Variants in TMIGD1 observed in about 807,000 individuals in gnomAD.
The protein encoded by TMIGD1 is transmembrane and immunoglobulin domain containing 1.
In TMIGD1, 29 loss-of-function variants were observed where a neutral mutation model predicts 27.5. The observed-to-expected ratio is 1.05, with a 90% CI of 0.78 to 1.44. The LOEUF (loss-of-function observed/expected upper bound fraction) is 1.44. TMIGD1 is among the 40% of genes most tolerant of loss of function. TMIGD1 has a pLI of 0.00. For missense variants in TMIGD1, 334 were observed against 310.6 expected, an observed-to-expected ratio of 1.08 and a Z score of -0.57; for synonymous variants, 109 against 110.3, an observed-to-expected ratio of 0.99 and a Z score of 0.07.
intron 5 of TMIGD1, among the ~76,000 whole-genome samples, chr17:30,318,248 G>C (rs911225628): frequency 2.0e-5 from 3 of 152,126 alleles, no homozygotes; most frequent in African/African-American, 7.2e-5. Context: ...ACTCAGCCTA[G>C]GGCTTTCTGC....
intron 3 of TMIGD1, 85 bp downstream of exon 3, chr17:30,329,166 C>T: frequency 2.0e-6 from 3 of 1,521,746 alleles, no homozygotes; most frequent in Non-Finnish European, 1.8e-6. Context: ...GGCAATTTGG[C>T]AATACCAAGA....
intron 3 of TMIGD1, among the ~76,000 whole-genome samples, chr17:30,327,953 G>A (rs1437152339): frequency 6.6e-6 from 1 of 151,722 alleles, no homozygotes; most frequent in Non-Finnish European, 1.5e-5. Context: ...CTACCAATGG[G>A]TTACCAATAC....
At chr17:30,328,775 G>A (rs755350322) in intron 3 of TMIGD1, among the ~76,000 whole-genome samples, 1 of 151,996 alleles carries the variant, frequency 6.6e-6, no homozygotes, top group Non-Finnish European at 1.5e-5. Flanking sequence ...GGCCAACATG[G>A]TGAACCCCCC....
At chr17:30,319,831 G>GGTA (rs1377981236) in intron 4 of TMIGD1, among the ~76,000 whole-genome samples, 1 of 151,970 alleles carries the variant, frequency 6.6e-6, no homozygotes, top group East Asian at 1.9e-4. Context: ...CATTATAGAA[G>GGTA]GTAGGTGGCT....
At chr17:30,321,909 G>A (rs1241327258) in intron 4 of TMIGD1, among the ~76,000 whole-genome samples, 1 of 152,052 alleles carries the variant, frequency 6.6e-6, no homozygotes, top group African/African-American at 2.4e-5. Context: ...GCTCACTGCA[G>A]CGTCGACCTC....
intron 3 of TMIGD1, 24 bp from the exon 4 acceptor site, chr17:30,325,118 T>G: frequency 6.3e-7 from 1 of 1,591,276 alleles, no homozygotes; most frequent in Non-Finnish European, 8.6e-7. Context: ...GCATTTAGAT[T>G]TAATTAGCAG....
At chr17:30,317,006 C>T in intron 6 of TMIGD1, 187 bp downstream of exon 6, 1 of 691,344 alleles carries the variant, frequency 1.4e-6, no homozygotes, top group Non-Finnish European at 2.5e-6. Context: ...AAGGTGTTCT[C>T]TATTCTAGGC....
Position 30,331,987 on chromosome 17 carries a change from G to A in TMIGD1, c.82+65C>T, listed in dbSNP as rs1177077650. ...TTTAAGGATATATCCAATGCCCATT[G>A]ATCACTTTTCTTAATCGGAAATTTT... On this transcript the variant is annotated intron_variant, in intron 2 of 6. Coordinates refer to ENST00000328886, the MANE Select transcript of TMIGD1 (RefSeq NM_206832.3). 5 of 1,094,210 alleles carry A rather than the reference G, an allele frequency of 4.6e-6. No homozygotes were observed. The East Asian group carries it at 1.2e-4, about 26-fold the overall frequency. 67.8% of individuals were successfully genotyped at this position (1,094,210 alleles called of 1,614,324 possible).
Position 30,316,527 on chromosome 17 carries a change from C to G in TMIGD1, c.*160G>C. 8 of 656,614 alleles carry G rather than the reference C, an allele frequency of 1.2e-5. No individual in the cohort carries two copies. The highest frequency in any genetic ancestry group is 1.5e-5 in the Non-Finnish European group (6 of 389,418). 40.7% of individuals were successfully genotyped at this position (656,614 alleles called of 1,614,324 possible). ...TAGCTCTTTCCATAAAAATGTTCCA[C>G]AAGTGTATCAAATTAGTCCTAACAA... On this transcript the variant is annotated 3_prime_UTR_variant, in exon 7 of 7. Coordinates refer to ENST00000328886, the MANE Select transcript of TMIGD1 (RefSeq NM_206832.3).
intron 1 of TMIGD1, among the ~76,000 whole-genome samples, chr17:30,332,629 G>A (rs143638128): frequency 0.013 from 1,931 of 152,236 alleles, 26 homozygotes; most frequent in Non-Finnish European, 0.021. Flanking sequence ...ACGTAGAAAA[G>A]CCTCAATTGA....
intron 2 of TMIGD1, among the ~76,000 whole-genome samples, chr17:30,331,282 A>G (rs189147134): frequency 6.6e-6 from 1 of 151,874 alleles, no homozygotes; most frequent in Non-Finnish European, 1.5e-5. Flanking sequence ...AGTGGTTGTC[A>G]TCTCTGGATG....
chr17:30,326,434 A>G (rs1159886652), intron 3 of TMIGD1, among the ~76,000 whole-genome samples: 2 of 152,090 alleles, frequency 1.3e-5, no homozygotes, highest in Non-Finnish European at 2.9e-5. Context: ...TTTTTCTTAA[A>G]TAGTTTTCTA....
At chr17:30,324,063 A>G (rs1161987265) in intron 4 of TMIGD1, among the ~76,000 whole-genome samples, 1 of 152,234 alleles carries the variant, frequency 6.6e-6, no homozygotes, top group African/African-American at 2.4e-5. Context: ...AAGACTGGCA[A>G]TAAGTGAGTA....
intron 2 of TMIGD1, among the ~76,000 whole-genome samples, chr17:30,329,957 C>T (rs1279165439): frequency 6.6e-6 from 1 of 150,852 alleles, no homozygotes; most frequent in Non-Finnish European, 1.5e-5. Context: ...TGGTGGTGTG[C>T]ACCCATACTT....
chr17:30,328,450 T>G (rs950344093), intron 3 of TMIGD1, among the ~76,000 whole-genome samples: 2 of 151,884 alleles, frequency 1.3e-5, no homozygotes, highest in African/African-American at 4.8e-5. Context: ...CAATAAAAAT[T>G]TTCAAAAACA....
chr17:30,331,255 T>C (rs1909968151), intron 2 of TMIGD1, among the ~76,000 whole-genome samples: 1 of 152,008 alleles, frequency 6.6e-6, no homozygotes, highest in African/African-American at 2.4e-5. Flanking sequence ...AGTATTTTAT[T>C]AAAATATGGA....
intron 6 of TMIGD1, 61 bp downstream of exon 6, chr17:30,317,132 G>A: frequency 6.5e-7 from 1 of 1,533,432 alleles, no homozygotes; most frequent in Non-Finnish European, 9.0e-7. Flanking sequence ...CTAGAGTGAT[G>A]CATATCACTG....
In TMIGD1 at chr17:30,329,446, C is replaced by T. The variant is rs986100928; in HGVS notation, c.166G>A (p.Val56Ile). 1.9e-6 allele frequency: 3 copies of T among 1,614,038 alleles called. No homozygotes were observed. Among genetic ancestry groups the T allele is most frequent in the Admixed American group, 3.3e-5 (2 of 60,002 alleles). Residue 56 changes from valine (V) to isoleucine (I), a missense_variant, in exon 3 of 7, where the codon GTT (valine) becomes ATT (isoleucine). Coordinates refer to ENST00000328886, the MANE Select transcript of TMIGD1 (RefSeq NM_206832.3). ...PGSQASLICA[V>I]QNHTREEELL... ...TCTTCCTCTCTGGTGTGGTTTTGAACAGCACATATCAGAGATGCTTGGGAG... is the reference window on the plus strand; with the variant it reads ...TCTTCCTCTCTGGTGTGGTTTTGAATAGCACATATCAGAGATGCTTGGGAG...
chr17:30,319,026 A>C, intron 4 of TMIGD1, 113 bp from the exon 5 acceptor site: 35 of 744,772 alleles, frequency 4.7e-5, no homozygotes, highest in Non-Finnish European at 7.2e-5. Context: ...AAACCTTCTC[A>C]ACAATCTCAA....
Sources: allele counts gnomAD v4.1 joint callset (sites outside exome capture counted in the v4.1 genomes callset), GRCh38; gene constraint gnomAD v4.1.1; transcripts MANE v1.5; gene names NCBI Gene and HGNC (gene_info 2026-07-23, HGNC 2026-07-21).